The following SHLD2 variants were observed in gnomAD, a reference collection of about 807,000 sequenced individuals.
SHLD2 encodes shieldin complex subunit 2.
SHLD2 carries 30 observed loss-of-function variants against 73.2 expected under a neutral mutation model. That is an observed-to-expected ratio of 0.41 (90% CI 0.31 to 0.56). The LOEUF (loss-of-function observed/expected upper bound fraction) is 0.56, where lower values mean the gene tolerates loss of function less well. SHLD2 is among the 20% of genes least tolerant of loss of function. SHLD2 has a pLI of 0.28. For synonymous variants in SHLD2, 285 were observed against 370.1 expected (o/e 0.77, Z 2.64); for missense variants, 745 against 1,055.9 (o/e 0.71, Z 4.08).
chr10:87,153,065 C>T (rs1846129432), intron 3 of SHLD2, among the ~76,000 whole-genome samples, 186 bp downstream of exon 3: 1 of 152,208 alleles, frequency 6.6e-6, no homozygotes, highest in Non-Finnish European at 1.5e-5. Flanking sequence ...CCCATTGCCA[C>T]TTCTGGGCCT....
chr10:87,094,765 T>C (rs1841685242), upstream of SHLD2: 2 of 1,535,418 alleles, frequency 1.3e-6, no homozygotes, highest in South Asian at 1.2e-5. This position sits in a 1 kb window ranked among gnomAD's most constrained non-coding sequence, Gnocchi z 6.6. Context: ...CAGGTAGCGG[T>C]ACATGGCCAC....
chr10:87,094,605 C>T (rs1446820325), upstream of SHLD2: 2 of 1,610,774 alleles, frequency 1.2e-6, no homozygotes, highest in African/African-American at 1.3e-5. This position sits in a 1 kb window ranked among gnomAD's most constrained non-coding sequence, Gnocchi z 6.6. Flanking sequence ...CGGCCACCGC[C>T]TCGCTGTAGT....
Position 87,151,549 on chromosome 10 carries a change from A to G in SHLD2, c.195A>G (p.Pro65=), listed in dbSNP as rs1456227533. Residue 65 remains proline (P), a synonymous_variant, in exon 3 of 10, where the codon CCA becomes CCG. Coordinates refer to ENST00000298786, the MANE Select transcript of SHLD2 (RefSeq NM_001330112.2). The part of the protein sequence containing the change: ...QHKNLENYKV[P]ESIGSPDLSG... ...AAAATCTTGAAAACTATAAAGTCCC[A>G]GAATCTATTGGTTCTCCAGATCTTA... is the stretch of plus-strand genomic sequence containing the variant. The G allele has an allele frequency of 6.2e-7, 1 of 1,611,410 alleles. No individual in the cohort carries two copies. Among genetic ancestry groups the G allele is most frequent in the Non-Finnish European group, 8.5e-7 (1 of 1,179,678 alleles).
intron 2 of SHLD2, among the ~76,000 whole-genome samples, chr10:87,098,063 A>G (rs191728931): frequency 6.6e-6 from 1 of 152,248 alleles, no homozygotes; most frequent in East Asian, 1.9e-4. Flanking sequence ...GCACCTGGTC[A>G]TTATGTTTTA....
intron 2 of SHLD2, among the ~76,000 whole-genome samples, chr10:87,140,985 A>C (rs1200330851): frequency 5.9e-5 from 9 of 151,982 alleles, no homozygotes; most frequent in African/African-American, 2.2e-4. Flanking sequence ...AAAACAAAAC[A>C]AAACCAAAAA....
intron 2 of SHLD2, chr10:87,114,570 C>G (rs377441982): frequency 6.6e-6 from 1 of 152,110 alleles, no homozygotes; most frequent in East Asian, 1.9e-4. Flanking sequence ...ACTAAAAATA[C>G]AAAGATTAGC....
At chr10:87,135,082 G>T (rs1326373793) in intron 2 of SHLD2, among the ~76,000 whole-genome samples, 1 of 151,748 alleles carries the variant, frequency 6.6e-6, no homozygotes, top group African/African-American at 2.4e-5. Flanking sequence ...AAGAAAAATT[G>T]CCAAGATAGT....
At chr10:87,176,187 A>C in intron 7 of SHLD2, 92 bp downstream of exon 7, 1 of 1,470,526 alleles carries the variant, frequency 6.8e-7, no homozygotes, top group Non-Finnish European at 9.3e-7. Context: ...AGTGGTGTGA[A>C]CACAGCTCAC....
rs751657449 is a variant in SHLD2 at position 87,187,090 on chromosome 10, C to T, written c.2405C>T (p.Ala802Val). The T allele has an allele frequency of 1.4e-5, 22 of 1,603,884 alleles. No individual in the cohort carries two copies. Among genetic ancestry groups the T allele is most frequent in the South Asian group, 5.5e-5 (5 of 90,872 alleles). ...TGTTGTTTACTCTTTTGTAGGCCAGCGTTAATGACTGCCATTGATGGAAGA... is the reference window on the plus strand; with the variant it reads ...TGTTGTTTACTCTTTTGTAGGCCAGTGTTAATGACTGCCATTGATGGAAGA... ...FTMKKIYYRP[A>V]LMTAIDGRHD... Residue 802 changes from alanine to valine, a missense_variant, in exon 9 of 10, where the codon GCG becomes GTG. Physicochemically the swap from Ala to Val is moderately conservative, Grantham distance 64. Coordinates refer to ENST00000298786, the MANE Select transcript of SHLD2 (RefSeq NM_001330112.2).
intron 8 of SHLD2, among the ~76,000 whole-genome samples, chr10:87,181,157 G>C (rs937141468): frequency 3.3e-5 from 5 of 149,986 alleles, no homozygotes; most frequent in Non-Finnish European, 5.9e-5. Context: ...GGGGTGGGGG[G>C]ATCGCTTGAG....
chr10:87,144,713 G>A (rs1845462383), intron 2 of SHLD2, among the ~76,000 whole-genome samples: 1 of 133,898 alleles, frequency 7.5e-6, no homozygotes, highest in African/African-American at 2.9e-5. Flanking sequence ...TGCAAGCTCC[G>A]CCTCCCTGGT....
chr10:87,117,464 G>T lies in SHLD2; in HGVS notation c.-6+20475G>T, dbSNP rs182519747. ...CAAAGGCAGGTGGTAGCAGATAAGA[G>T]ATAAGGAAAATTTAGTGAAGAAAAA... is the stretch of plus-strand genomic sequence containing the variant. On this transcript the variant is annotated intron_variant, in intron 2 of 9. Coordinates refer to ENST00000298786, the MANE Select transcript of SHLD2 (RefSeq NM_001330112.2). Among the ~76,000 whole-genome samples, 137 of 151,788 alleles carry T rather than the reference G, an allele frequency of 9.0e-4. No individual in the cohort carries two copies. In the Middle Eastern group the frequency reaches 0.01, roughly 11 times the overall value.
At chr10:87,130,000 A>C (rs1244750363) in intron 2 of SHLD2, among the ~76,000 whole-genome samples, 6 of 151,732 alleles carry the variant, frequency 4.0e-5, no homozygotes, top group Non-Finnish European at 8.8e-5. Context: ...CTGCTAATAA[A>C]ATTCTTTTTA....
At chr10:87,165,190 GAAA>G (rs61041593) in intron 4 of SHLD2, among the ~76,000 whole-genome samples, 1 of 144,172 alleles carries the variant, frequency 6.9e-6, no homozygotes. Flanking sequence ...CTGTCTCAAG[GAAA>G]AAAAAAAAAA....
upstream of SHLD2, chr10:87,094,927 A>C: frequency 1.0e-4 from 37 of 356,754 alleles, no homozygotes; most frequent in East Asian, 2.3e-4. The surrounding 1 kb of genome is among the most constrained non-coding windows in gnomAD (Gnocchi z 6.6). Context: ...TCGCCACCTA[A>C]CGGGGAGGAC....
intron 2 of SHLD2, among the ~76,000 whole-genome samples, chr10:87,110,753 T>G (rs1842870944): frequency 6.6e-6 from 1 of 151,478 alleles, no homozygotes; most frequent in Non-Finnish European, 1.5e-5. Flanking sequence ...AAATGTAGGT[T>G]TAAATATTCA....
At chr10:87,153,574 G>T (rs1276710230) in intron 3 of SHLD2, among the ~76,000 whole-genome samples, 1 of 152,192 alleles carries the variant, frequency 6.6e-6, no homozygotes, top group Non-Finnish European at 1.5e-5. Flanking sequence ...GAGTTCTAGA[G>T]TGTTGCCTTC....
chr10:87,146,873 A>G (rs1845647892), intron 2 of SHLD2, among the ~76,000 whole-genome samples: 1 of 151,722 alleles, frequency 6.6e-6, no homozygotes, highest in Admixed American at 6.6e-5. Flanking sequence ...CCTGACTTAC[A>G]TGGAGAAACC....
intron 2 of SHLD2, among the ~76,000 whole-genome samples, chr10:87,138,377 A>G (rs1844950253): frequency 1.3e-5 from 2 of 152,124 alleles, no homozygotes; most frequent in South Asian, 4.1e-4. Flanking sequence ...CTGAAAGAAA[A>G]AAAAAAAAAC....
Sources: gnomAD v4.1 joint callset for allele counts (sites outside exome capture counted in the v4.1 genomes callset) on GRCh38, gnomAD v4.1.1 for gene constraint, Gnocchi (gnomAD v3.1) non-coding constraint, MANE v1.5 for transcripts, NCBI Gene and HGNC (gene_info 2026-07-23, HGNC 2026-07-21) for gene names.